The following CHORDC1 variants were observed in gnomAD, a reference collection of about 807,000 sequenced individuals.
The protein encoded by CHORDC1 is cysteine and histidine rich domain containing 1.
A neutral mutation model predicts 48.3 loss-of-function variants in CHORDC1; 25 were observed. That is an observed-to-expected ratio of 0.52 (90% confidence interval 0.38 to 0.72). CHORDC1 has a LOEUF of 0.72. CHORDC1 is among the 30% of genes least tolerant of loss of function. The pLI, the probability that CHORDC1 is intolerant of heterozygous loss-of-function variation, is 0.00. For synonymous variants in CHORDC1, 128 were observed against 126.4 expected (o/e 1.01, Z -0.09); for missense variants, 317 against 388.7 (o/e 0.82, Z 1.55).
intron 6 of CHORDC1, chr11:90,208,541 TAAA>T (rs964616837): frequency 7.3e-5 from 11 of 151,546 alleles, no homozygotes; most frequent in Middle Eastern, 3.4e-3. Context: ...CTTAAAGAAA[TAAA>T]AAAACAAAAC....
chr11:90,215,281 C>G, intron 2 of CHORDC1, 51 bp from the exon 3 acceptor site: 1 of 1,268,718 alleles, frequency 7.9e-7, no homozygotes, highest in Non-Finnish European at 1.1e-6. Context: ...ATGAGAAACA[C>G]GACCCACTAA....
At position 90,216,500 on chromosome 11, in the gene CHORDC1, T is replaced by C. The variant is rs112145178; in HGVS notation, c.115-1270A>G. Reference sequence around the variant, plus strand: ...GTATCCCTGTATTGATGTATACGCATTTTGTCTGAAATCTTCTGGACTGTG... The same window carrying C: ...GTATCCCTGTATTGATGTATACGCACTTTGTCTGAAATCTTCTGGACTGTG... On this transcript the variant is annotated intron_variant, in intron 2 of 10. Transcript: ENST00000320585. The C allele has an allele frequency of 8.8e-4, 365 of 414,998 alleles. 2 individuals carry two copies. Among genetic ancestry groups the C allele is most frequent in the African/African-American group, 7.1e-3 (336 of 47,480 alleles). 25.7% of individuals were successfully genotyped at this position (414,998 alleles called of 1,614,324 possible).
At chr11:90,222,562 G>A (rs1461655990) in intron 1 of CHORDC1, 7 of 553,974 alleles carry the variant, frequency 1.3e-5, no homozygotes, top group South Asian at 6.2e-5. Flanking sequence ...AGACTGGAGG[G>A]CCAGAGGAGA....
chr11:90,203,276 A>G, intron 9 of CHORDC1, 32 bp downstream of exon 9: 1 of 1,539,532 alleles, frequency 6.5e-7, no homozygotes. Context: ...TATAGAAAAG[A>G]ACTTTTACCC....
At chr11:90,220,928 A>G (rs1000693319) in intron 1 of CHORDC1, among the ~76,000 whole-genome samples, 6 of 152,120 alleles carry the variant, frequency 3.9e-5, no homozygotes, top group Admixed American at 6.5e-5. Context: ...TAAGTGTTTA[A>G]CATATGTAAG....
At chr11:90,219,349 C>G (rs1650022984) in intron 1 of CHORDC1, among the ~76,000 whole-genome samples, 1 of 152,214 alleles carries the variant, frequency 6.6e-6, no homozygotes, top group Non-Finnish European at 1.5e-5. Context: ...TCCCTCCCCA[C>G]TACACCATCA....
At position 90,222,921 on chromosome 11, in the gene CHORDC1, G is replaced by C. The variant is rs760316128; in HGVS notation, c.34C>G (p.Gln12Glu). 3.7e-6 allele frequency: 6 copies of C among 1,614,038 alleles called. No homozygotes were observed. The Admixed American group carries it at 1.0e-4, about 27-fold the overall frequency. ...GAATTGGTCTCAGGATCGAAGCGCT[G>C]ACCGCAGCCCCGGTTGTAGCACAGC... The part of the protein sequence containing the change: ...ALLCYNRGCG[Q>E]RFDPETNSDD... Residue 12 changes from glutamine to glutamate, a missense_variant, in exon 1 of 11, where the codon CAG becomes GAG. By Grantham distance (29) the Gln-to-Glu change is conservative. Transcript: ENST00000320585.
At chr11:90,215,032 G>C in intron 3 of CHORDC1, 142 bp downstream of exon 3, 1 of 455,786 alleles carries the variant, frequency 2.2e-6, no homozygotes, top group Non-Finnish European at 4.0e-6. Context: ...GTGGAAGGGA[G>C]ATGAGCTGCT....
chr11:90,215,501 C>G (rs1259143998), intron 2 of CHORDC1, among the ~76,000 whole-genome samples: 1 of 151,776 alleles, frequency 6.6e-6, no homozygotes, highest in Non-Finnish European at 1.5e-5. Context: ...TTTCTCTTTT[C>G]AACAATCGTG....
At chr11:90,220,250 C>T (rs181479791) in intron 1 of CHORDC1, among the ~76,000 whole-genome samples, 18 of 152,248 alleles carry the variant, frequency 1.2e-4, no homozygotes, top group Admixed American at 5.9e-4. Context: ...CTCCCTACCC[C>T]GTTACTAGCC....
chr11:90,217,590 A>G (rs961053688), intron 2 of CHORDC1, among the ~76,000 whole-genome samples: 1 of 152,182 alleles, frequency 6.6e-6, no homozygotes, highest in Non-Finnish European at 1.5e-5. Flanking sequence ...TTCCCTCAAA[A>G]TTAGAAAAGT....
In CHORDC1 at chr11:90,200,896, A is replaced by G. The variant is rs563441023; in HGVS notation, c.*1509T>C. Among the ~76,000 whole-genome samples, 3 of 152,116 alleles carry G rather than the reference A, an allele frequency of 2.0e-5. No homozygotes were observed. The highest frequency in any genetic ancestry group is 3.9e-4 in the East Asian group (2 of 5,178). The stretch of plus-strand genomic sequence containing the variant: ...CTAAATGGTTCCTAAATCATGGAAG[A>G]TAACTTGAAAAATTTTAAATACATC... On this transcript the variant is annotated 3_prime_UTR_variant, in exon 11 of 11. Transcript: ENST00000320585.
rs566952368 is a variant in CHORDC1, at chr11:90,214,152, A to G, written c.195T>C (p.Asn65=). 15 of 1,612,650 alleles carry G rather than the reference A, an allele frequency of 9.3e-6. No homozygotes were observed. The South Asian group carries it at 1.5e-4, about 17-fold the overall frequency. The change falls in exon 4 of 11, where the codon AAT becomes AAC. Residue 65 remains asparagine, a synonymous_variant. Coordinates refer to ENST00000320585, the MANE Select transcript of CHORDC1 (RefSeq NM_012124.3). ...TGACTGGCTCAGGTGGCTTCTCACT[A>G]TTATGTCTACCTTTTGTACAGCCCT... ...SIVGCTKGRH[N]SEKPPEPVKP...
intron 6 of CHORDC1, chr11:90,209,138 T>C (rs974254093): frequency 3.3e-5 from 5 of 152,190 alleles, no homozygotes; most frequent in African/African-American, 1.2e-4. Context: ...CTAATTCCCT[T>C]TTATCTACTA....
intron 8 of CHORDC1, among the ~76,000 whole-genome samples, chr11:90,204,501 A>G (rs2135027410): frequency 6.6e-6 from 1 of 152,264 alleles, no homozygotes; most frequent in African/African-American, 2.4e-5. Context: ...CGGGTGGATC[A>G]CGAGGTCAGG....
chr11:90,219,861 A>C (rs1242161294), intron 1 of CHORDC1, among the ~76,000 whole-genome samples: 1 of 152,146 alleles, frequency 6.6e-6, no homozygotes, highest in East Asian at 1.9e-4. Flanking sequence ...TATTTTTAAA[A>C]ATCAGGTAAC....
At chr11:90,221,150 G>A (rs1229549836) in intron 1 of CHORDC1, among the ~76,000 whole-genome samples, 1 of 151,756 alleles carries the variant, frequency 6.6e-6, no homozygotes, top group East Asian at 1.9e-4. Context: ...TCCAACATCT[G>A]GCTTACGCAA....
At chr11:90,204,835 G>A (rs1857631672) in intron 8 of CHORDC1, among the ~76,000 whole-genome samples, 1 of 151,968 alleles carries the variant, frequency 6.6e-6, no homozygotes, top group Admixed American at 6.6e-5. Context: ...AAAACTTATT[G>A]AGCAATAAGT....
intron 4 of CHORDC1, chr11:90,213,496 C>G (rs909181068): frequency 4.6e-6 from 3 of 651,774 alleles, no homozygotes; most frequent in Non-Finnish European, 2.8e-6. Context: ...TATGAAGAAT[C>G]TGTACAACTC....
Sources: allele counts gnomAD v4.1 joint callset (sites outside exome capture counted in the v4.1 genomes callset), GRCh38; gene constraint gnomAD v4.1.1; transcripts MANE v1.5; gene names NCBI Gene and HGNC (gene_info 2026-07-23, HGNC 2026-07-21).